The following ARHGEF40 variants were observed in gnomAD, a reference collection of about 807,000 sequenced individuals.
ARHGEF40 encodes the protein Rho guanine nucleotide exchange factor 40, also known as Rho guanine nucleotide exchange factor (GEF) 40.
A neutral mutation model predicts 165.9 loss-of-function variants in ARHGEF40; 98 were observed. The ratio of observed to expected loss-of-function variants is 0.59; its 90% confidence interval spans 0.50 to 0.70. The LOEUF (loss-of-function observed/expected upper bound fraction) is 0.70, where lower values mean the gene tolerates loss of function less well. ARHGEF40 is among the 30% of genes least tolerant of loss of function. The probability of loss-of-function intolerance (pLI) is 0.00; values close to 1 mark genes in which losing one functional copy is unlikely to be tolerated. For synonymous variants in ARHGEF40, 792 were observed against 814.3 expected, an observed-to-expected ratio of 0.97 and a Z score of 0.47; for missense variants, 1,815 against 1,968.0, an observed-to-expected ratio of 0.92 and a Z score of 1.47.
intron 9 of ARHGEF40, 43 bp downstream of exon 9, chr14:21,078,315 G>A (rs1887597271): frequency 1.2e-6 from 2 of 1,604,690 alleles, no homozygotes; most frequent in African/African-American, 2.7e-5. Flanking sequence ...GATTGGGATG[G>A]GGCTGGGGTG....
chr14:21,088,284 C>A (rs1377850344), intron 22 of ARHGEF40, among the ~76,000 whole-genome samples, 186 bp downstream of exon 22: 4 of 152,148 alleles, frequency 2.6e-5, no homozygotes, highest in Non-Finnish European at 5.9e-5. Flanking sequence ...GGCTAAGAGG[C>A]ATCAAGGTCA....
At chr14:21,068,611 A>G (rs1390051846), upstream of ARHGEF40, among the ~76,000 whole-genome samples, 1 of 152,046 alleles carries the variant, frequency 6.6e-6, no homozygotes, top group African/African-American at 2.4e-5. Flanking sequence ...TACGGAATGG[A>G]CACCAGGGGG....
In ARHGEF40 at chr14:21,078,969, C is replaced by T. The variant is rs1231711689; in HGVS notation, c.2332C>T (p.Gln778Ter). Reference protein sequence around the residue: ...QLVRLSNLHVQQQEQRQCLRR... With the variant: ...QLVRLSNLHV ...TGTGCGCCTCTCCAACCTGCACGTG[C>T]AGCAGCAAGAGCAGCGGCAGTGCCT... Residue 778 changes from glutamine to a stop codon, truncating the protein, a stop_gained, in exon 11 of 24, where the codon CAG becomes TAG. Transcript: ENST00000298694. LOFTEE classifies it high-confidence loss of function. The T allele has an allele frequency of 6.2e-7, 1 of 1,614,016 alleles. No homozygotes were observed. Among genetic ancestry groups the T allele is most frequent in the Non-Finnish European group, 8.5e-7 (1 of 1,179,980 alleles).
At chr14:21,078,779 T>C (rs1165775657) in intron 10 of ARHGEF40, 105 bp from the exon 11 acceptor site, 8 of 1,488,574 alleles carry the variant, frequency 5.4e-6, no homozygotes, top group Non-Finnish European at 7.3e-6. Flanking sequence ...TTTTGATCCA[T>C]GCTGCTATGC....
rs757354345 is a variant in ARHGEF40 at position 21,088,827 on chromosome 14, C to A, written c.4519-3C>A. 2 of 1,611,862 alleles carry A rather than the reference C, an allele frequency of 1.2e-6. No individual in the cohort carries two copies. Among genetic ancestry groups the A allele is most frequent in the Non-Finnish European group, 1.7e-6 (2 of 1,178,484 alleles). ...AAATTCACTGTAGCTTCTCTCCCCCCAGAGTCATGCTCGAGCCCTGAGTGA... is the reference window on the plus strand; with the variant it reads ...AAATTCACTGTAGCTTCTCTCCCCCAAGAGTCATGCTCGAGCCCTGAGTGA... On this transcript the variant is annotated splice_region_variant and splice_polypyrimidine_tract_variant and intron_variant, in intron 22 of 23. Transcript: ENST00000298694.
chr14:21,062,765 G>A, the ARHGEF40 span, among the ~76,000 whole-genome samples: 1 of 130,704 alleles, frequency 7.7e-6, no homozygotes, highest in South Asian at 2.5e-4. Flanking sequence ...TTGAGATGGA[G>A]CCTCACTCTG....
chr14:21,076,967 T>A, intron 8 of ARHGEF40, 77 bp downstream of exon 8: 1 of 1,259,262 alleles, frequency 7.9e-7, no homozygotes, highest in Non-Finnish European at 1.1e-6. Flanking sequence ...AGAGAGGCCA[T>A]GTCCAGGACA....
the ARHGEF40 span, among the ~76,000 whole-genome samples, chr14:21,062,020 C>T: frequency 7.9e-5 from 12 of 152,108 alleles, no homozygotes; most frequent in Non-Finnish European, 1.8e-4. Flanking sequence ...TAACTACTTA[C>T]AAATAAGATC....
At position 21,074,535 on chromosome 14, in the gene ARHGEF40, CG is replaced by C; in HGVS notation, c.807del (p.Thr270ArgfsTer81). On this transcript the variant is annotated frameshift_variant, in exon 3 of 24. Transcript: ENST00000298694. LOFTEE classifies it high-confidence loss of function. This position sits in a 1 kb window ranked among gnomAD's most constrained non-coding sequence, Gnocchi z 4.8. ...AGGCTCCCCAGGCCTCTCCAGAGTC[CG>C]GACGGTACCCACCCGCAAGGGCGCT... ...AEGSPGLSRVRTVPTRKGAGG... is the reference protein window; with the variant it reads ...AEGSPGLSRVXTVPTRKGAGG... 6.5e-7 allele frequency: 1 copy of C among 1,549,860 alleles called. No homozygotes were observed. Among genetic ancestry groups the C allele is most frequent in the Non-Finnish European group, 8.7e-7 (1 of 1,147,644 alleles).
At position 21,074,433 on chromosome 14, in the gene ARHGEF40, G is replaced by A. The variant is rs1887228883; in HGVS notation, c.703G>A (p.Val235Met). 2 of 1,607,234 alleles carry A rather than the reference G, an allele frequency of 1.2e-6. No individual in the cohort carries two copies. Among genetic ancestry groups the A allele is most frequent in the Admixed American group, 1.7e-5 (1 of 58,966 alleles). Residue 235 changes from valine (V) to methionine (M), a missense_variant, in exon 3 of 24, where the codon GTG becomes ATG. By Grantham distance (21) the Val-to-Met change is conservative (BLOSUM62 1). Coordinates refer to ENST00000298694, the MANE Select transcript of ARHGEF40 (RefSeq NM_018071.5). The surrounding 1 kb of genome is among the most constrained non-coding windows in gnomAD (Gnocchi z 4.8). ...RSPGDGHNAP[V>M]EGPEGEYVEL... ...TCCTGGGGATGGGCACAATGCCCCT[G>A]TGGAAGGACCTGAGGGCGAGTATGT... is the stretch of plus-strand genomic sequence containing the variant.
Position 21,083,991 on chromosome 14 carries a change from C to T in ARHGEF40, c.3730C>T (p.Arg1244Trp), listed in dbSNP as rs771485498. 1.5e-5 allele frequency: 25 copies of T among 1,613,098 alleles called. No individual in the cohort carries two copies. Among genetic ancestry groups the T allele is most frequent in the East Asian group, 2.2e-5 (1 of 44,862 alleles). The change falls in exon 17 of 24, where the codon CGG becomes TGG. Residue 1244 changes from arginine to tryptophan, a missense_variant. Physicochemically the swap from Arg to Trp is moderately radical, Grantham distance 101. Transcript: ENST00000298694. ...CCTTGGGGCTGCTGTACAGCTGCTCCGGGAACAAGAGGCCCGTGGCAGAGA... is the reference window on the plus strand; with the variant it reads ...CCTTGGGGCTGCTGTACAGCTGCTCTGGGAACAAGAGGCCCGTGGCAGAGA... ...RALGAAVQLL[R>W]EQEARGRDLL...
chr14:21,087,717 C>A, intron 21 of ARHGEF40: 1 of 685,438 alleles, frequency 1.5e-6, no homozygotes, highest in Non-Finnish European at 2.4e-6. Flanking sequence ...ACTGCCTCAG[C>A]TTCCTGTTGT....
Position 21,084,860 on chromosome 14 carries a change from G to A in ARHGEF40, c.3897G>A (p.Leu1299=), listed in dbSNP as rs1218712133. Residue 1299 remains leucine (L), a synonymous_variant, in exon 18 of 24, where the codon CTG becomes CTA. Transcript: ENST00000298694. The stretch of plus-strand genomic sequence containing the variant: ...TCTTTCTCTTCGAGCATCTCCTCCT[G>A]TTCAGCAAGCTCAAGGGCCCTGAAG... ...RHVFLFEHLL[L]FSKLKGPEGG... is the part of the protein sequence containing the mutation. 3.1e-6 allele frequency: 5 copies of A among 1,614,052 alleles called. No individual in the cohort carries two copies. The highest frequency in any genetic ancestry group is 1.6e-4 in the Middle Eastern group (1 of 6,082).
In ARHGEF40 at chr14:21,075,665, C is replaced by A. The variant is rs1388316393; in HGVS notation, c.1639C>A (p.Arg547=). ...ILTGGVDQSG[R]ALLTITPPCP... The stretch of plus-strand genomic sequence containing the variant: ...TTCAGGAGGGGTGGACCAGAGTGGG[C>A]GAGCTCTGCTGACCATTACCCCACC... Residue 547 remains arginine, a synonymous_variant, in exon 5 of 24, where the codon CGA becomes AGA. Transcript: ENST00000298694. This position sits in a 1 kb window ranked among gnomAD's most constrained non-coding sequence, Gnocchi z 4.5. The A allele has an allele frequency of 1.6e-5, 26 of 1,613,826 alleles. No individual in the cohort carries two copies. The highest frequency in any genetic ancestry group is 2.7e-5 in the African/African-American group (2 of 74,868).
chr14:21,070,238 G>A, upstream of ARHGEF40: 3 of 708,478 alleles, frequency 4.2e-6, no homozygotes, highest in Non-Finnish European at 5.6e-6. This position sits in a 1 kb window ranked among gnomAD's most constrained non-coding sequence, Gnocchi z 4.7. Context: ...CCTCCCTGGC[G>A]GGGCCCCGCG....
At position 21,082,001 on chromosome 14, in the gene ARHGEF40, A is replaced by T. The variant is rs1438050600; in HGVS notation, c.3133A>T (p.Thr1045Ser). 3.8e-6 allele frequency: 6 copies of T among 1,580,486 alleles called. No homozygotes were observed. The highest frequency in any genetic ancestry group is 1.3e-5 in the African/African-American group (1 of 74,268). The change falls in exon 14 of 24, where the codon ACT becomes TCT. Residue 1045 changes from threonine to serine, a missense_variant. Physicochemically the swap from Thr to Ser is moderately conservative, Grantham distance 58 (BLOSUM62 1). Transcript: ENST00000298694. ...VLIRGLEVTSTEVVDRTCSPR... is the reference protein window; with the variant it reads ...VLIRGLEVTSSEVVDRTCSPR... ...GATCCGAGGCCTGGAGGTCACCAGC[A>T]CTGAGGTGGTAGACAGGACGTGCTC...
At position 21,078,869 on chromosome 14, in the gene ARHGEF40, C is replaced by T. The variant is rs1375021078; in HGVS notation, c.2247-15C>T. ...AACAAGGGAAATGATTCATTCTTCTCTGCTCCTTCCCAAGGCTGGAGGGCC... is the reference window on the plus strand; with the variant it reads ...AACAAGGGAAATGATTCATTCTTCTTTGCTCCTTCCCAAGGCTGGAGGGCC... On this transcript the variant is annotated splice_polypyrimidine_tract_variant and intron_variant, in intron 10 of 23. Coordinates refer to ENST00000298694, the MANE Select transcript of ARHGEF40 (RefSeq NM_018071.5). The T allele has an allele frequency of 6.2e-7, 1 of 1,610,662 alleles. No individual in the cohort carries two copies. The highest frequency in any genetic ancestry group is 2.2e-5 in the East Asian group (1 of 44,754).
Position 21,084,870 on chromosome 14 carries a change from C to T in ARHGEF40, c.3907C>T (p.Leu1303Phe), listed in dbSNP as rs763064522. Reference sequence around the variant, plus strand: ...CGAGCATCTCCTCCTGTTCAGCAAGCTCAAGGGCCCTGAAGGGGGGTCAGA... The same window carrying T: ...CGAGCATCTCCTCCTGTTCAGCAAGTTCAAGGGCCCTGAAGGGGGGTCAGA... ...LFEHLLLFSK[L>F]KGPEGGSEMF... The change falls in exon 18 of 24, where the codon CTC (leucine) becomes TTC (phenylalanine). Residue 1303 changes from leucine to phenylalanine, a missense_variant. Physicochemically the swap from Leu to Phe is conservative, Grantham distance 22. Coordinates refer to ENST00000298694, the MANE Select transcript of ARHGEF40 (RefSeq NM_018071.5). 3.1e-6 allele frequency: 5 copies of T among 1,614,056 alleles called. No homozygotes were observed. Among genetic ancestry groups the T allele is most frequent in the African/African-American group, 1.3e-5 (1 of 74,936 alleles).
At chr14:21,076,683 T>G (rs1887450832) in intron 7 of ARHGEF40, 40 bp downstream of exon 7, 1 of 1,606,802 alleles carries the variant, frequency 6.2e-7, no homozygotes, top group South Asian at 1.1e-5. Flanking sequence ...CCATCAGTAG[T>G]GGGGAGAGGA....
Sources: gnomAD v4.1 joint callset for allele counts (sites outside exome capture counted in the v4.1 genomes callset) on GRCh38, gnomAD v4.1.1 for gene constraint, Gnocchi (gnomAD v3.1) non-coding constraint, MANE v1.5 for transcripts, NCBI Gene and HGNC (gene_info 2026-07-23, HGNC 2026-07-21) for gene names.